The following GALNT13 variants were observed in gnomAD, a reference collection of about 807,000 sequenced individuals.
The protein encoded by GALNT13 is UDP-GalNAc:polypeptide N-acetylgalactosaminyltransferase 13.
GALNT13 carries 28 observed loss-of-function variants against 64.2 expected under a neutral mutation model. That is an observed-to-expected ratio of 0.44 (90% confidence interval 0.32 to 0.60). The LOEUF (loss-of-function observed/expected upper bound fraction) is 0.60, where lower values mean the gene tolerates loss of function less well. Among genes scored for constraint, GALNT13 ranks in the 20% least tolerant of loss-of-function variants. The pLI, the probability that GALNT13 is intolerant of heterozygous loss-of-function variation, is 0.05. For missense variants in GALNT13, 577 were observed against 669.8 expected, an observed-to-expected ratio of 0.86 and a Z score of 1.53; for synonymous variants, 214 against 224.6, an observed-to-expected ratio of 0.95 and a Z score of 0.42.
the GALNT13 span, among the ~76,000 whole-genome samples, chr2:153,715,177 T>G: frequency 6.6e-6 from 1 of 152,316 alleles, no homozygotes; most frequent in South Asian, 2.1e-4. Context: ...AGTTATTAAC[T>G]TCACTGGGAT....
At chr2:154,381,702 A>G (rs1326053313) in intron 9 of GALNT13, among the ~76,000 whole-genome samples, 1 of 152,092 alleles carries the variant, frequency 6.6e-6, no homozygotes, top group Non-Finnish European at 1.5e-5. Context: ...CCCAAGTCCA[A>G]TCATATTTCC....
At chr2:153,602,396 G>T in the GALNT13 span, among the ~76,000 whole-genome samples, 1 of 151,610 alleles carries the variant, frequency 6.6e-6, no homozygotes, top group Non-Finnish European at 1.5e-5. Context: ...GAAAAATAAA[G>T]CCAGAAATCA....
the GALNT13 span, among the ~76,000 whole-genome samples, chr2:153,116,989 T>A: frequency 6.6e-6 from 1 of 151,708 alleles, no homozygotes; most frequent in African/African-American, 2.4e-5. Context: ...TTAGTAGAGA[T>A]GGGGTTTCAC....
At chr2:153,311,219 T>C in the GALNT13 span, among the ~76,000 whole-genome samples, 1 of 152,126 alleles carries the variant, frequency 6.6e-6, no homozygotes, top group Non-Finnish European at 1.5e-5. Context: ...TGGTAATAAA[T>C]AGGAACAATT....
chr2:154,305,562 A>G (rs1232720232), intron 9 of GALNT13, among the ~76,000 whole-genome samples: 1 of 152,172 alleles, frequency 6.6e-6, no homozygotes, highest in Non-Finnish European at 1.5e-5. Flanking sequence ...TCTACTTTTT[A>G]CATGTGGGCT....
the GALNT13 span, among the ~76,000 whole-genome samples, chr2:153,797,719 A>C: frequency 6.6e-6 from 1 of 152,204 alleles, no homozygotes; most frequent in East Asian, 1.9e-4. Context: ...TCTTTAGACA[A>C]GAAGCTTTGA....
At chr2:153,210,977 A>C in the GALNT13 span, among the ~76,000 whole-genome samples, 1 of 152,154 alleles carries the variant, frequency 6.6e-6, no homozygotes, top group Non-Finnish European at 1.5e-5. Context: ...TGCTGTACAG[A>C]AAATAGTTTT....
chr2:153,181,280 G>A, the GALNT13 span, among the ~76,000 whole-genome samples: 10 of 150,178 alleles, frequency 6.7e-5, no homozygotes, highest in South Asian at 2.1e-4. Context: ...TCAGGAGTAC[G>A]TTTTAAAATC....
At chr2:153,076,560 C>G in the GALNT13 span, among the ~76,000 whole-genome samples, 1 of 151,954 alleles carries the variant, frequency 6.6e-6, no homozygotes, top group Non-Finnish European at 1.5e-5. Context: ...TCCTTGAGTA[C>G]TTTTATGATA....
At chr2:153,144,190 C>T in the GALNT13 span, among the ~76,000 whole-genome samples, 1 of 151,990 alleles carries the variant, frequency 6.6e-6, no homozygotes, top group South Asian at 2.1e-4. Flanking sequence ...GCATGAAAGA[C>T]TGGTGTTTAT....
chr2:153,593,665 G>C, the GALNT13 span, among the ~76,000 whole-genome samples: 2 of 152,172 alleles, frequency 1.3e-5, no homozygotes, highest in Non-Finnish European at 2.9e-5. Flanking sequence ...TATCAGGGTG[G>C]TGGGAAAGAG....
At chr2:154,445,721 T>C (rs1701534973) in intron 12 of GALNT13, 1 of 854,092 alleles carries the variant, frequency 1.2e-6, no homozygotes, top group Non-Finnish European at 1.6e-6. Context: ...TTGTGTTCAT[T>C]AAGCTGCCTG....
At chr2:153,538,343 T>TA in the GALNT13 span, among the ~76,000 whole-genome samples, 2 of 109,704 alleles carry the variant, frequency 1.8e-5, no homozygotes, top group Non-Finnish European at 3.7e-5. Flanking sequence ...TTTTTTTTTT[T>TA]ACTTTTTTAT....
chr2:153,645,995 A>G, the GALNT13 span, among the ~76,000 whole-genome samples: 3 of 152,210 alleles, frequency 2.0e-5, no homozygotes, highest in East Asian at 5.8e-4. Context: ...ACATGATCTC[A>G]CTTGACCCCT....
At chr2:154,011,056 G>T (rs933712040) in intron 3 of GALNT13, among the ~76,000 whole-genome samples, 1 of 151,384 alleles carries the variant, frequency 6.6e-6, no homozygotes, top group African/African-American at 2.4e-5. Context: ...CAAACTTTTC[G>T]TTATGTGACC....
intron 3 of GALNT13, among the ~76,000 whole-genome samples, chr2:154,021,165 G>C (rs1194328650): frequency 5.3e-5 from 8 of 152,110 alleles, no homozygotes; most frequent in African/African-American, 1.9e-4. Context: ...TTTGGCTTAG[G>C]ATTGACTTGG....
At chr2:153,969,575 G>A (rs560897880) in intron 3 of GALNT13, among the ~76,000 whole-genome samples, 1 of 151,836 alleles carries the variant, frequency 6.6e-6, no homozygotes, top group South Asian at 2.1e-4. Context: ...TTTACATCCT[G>A]CTTTTATTGT....
intron 3 of GALNT13, among the ~76,000 whole-genome samples, chr2:154,023,274 C>G (rs924335412): frequency 1.3e-5 from 2 of 152,064 alleles, no homozygotes; most frequent in Non-Finnish European, 2.9e-5. Context: ...GTTTATCTGT[C>G]TAATGTTGAC....
At chr2:153,785,413 T>C in the GALNT13 span, among the ~76,000 whole-genome samples, 1 of 152,190 alleles carries the variant, frequency 6.6e-6, no homozygotes, top group Non-Finnish European at 1.5e-5. Context: ...TAGCCATCAC[T>C]GTTGATATAG....
Sources: allele counts gnomAD v4.1 joint callset (sites outside exome capture counted in the v4.1 genomes callset), GRCh38; gene constraint gnomAD v4.1.1; transcripts MANE v1.5; gene names NCBI Gene and HGNC (gene_info 2026-07-23, HGNC 2026-07-21).